AFF2: variants seen among roughly 807,000 people sequenced by gnomAD.
AFF2 encodes ALF transcription elongation factor 2.
A neutral mutation model predicts 76.9 loss-of-function variants in AFF2; 14 were observed. That is an observed-to-expected ratio of 0.18 (90% confidence interval 0.12 to 0.28). The LOEUF (loss-of-function observed/expected upper bound fraction) is 0.28. Ranked by LOEUF, AFF2 falls within the 10% of genes least tolerant of loss-of-function variation. The pLI is 1.00. For missense variants in AFF2, 868 were observed against 1,001.1 expected (o/e 0.87, Z 1.79); for synonymous variants, 398 against 366.7 (o/e 1.09, Z -0.98).
rs782508166 is a variant in AFF2, at chrX:148,916,196, C to CTTTTTTTTTTTTTTTT, written c.1397+11954_1397+11969dup. On this transcript the variant is annotated intron_variant, in intron 9 of 20. Transcript: ENST00000370460. ...AATAGACTTTTGAATGTGGTTTTAA[C>CTTTTTTTTTTTTTTTT]TTTTTTTTTTTTTTTTTTTTTTTTT... Among the ~76,000 whole-genome samples the CTTTTTTTTTTTTTTTT allele has an allele frequency of 1.8e-4, 6 of 34,038 alleles. 1 individual carries two copies. The highest frequency in any genetic ancestry group is 7.4e-4 in the African/African-American group (6 of 8,055). 29.6% of individuals were successfully genotyped at this position (34,038 alleles called of 115,157 possible).
intron 7 of AFF2, among the ~76,000 whole-genome samples, chrX:148,849,713 A>G (rs1557275142): frequency 9.0e-6 from 1 of 111,495 alleles, no homozygotes; most frequent in Non-Finnish European, 1.9e-5. Context: ...TCATCATTAT[A>G]GTGTACAGAA....
intron 9 of AFF2, among the ~76,000 whole-genome samples, chrX:148,916,710 C>G (rs1179466533): frequency 8.9e-6 from 1 of 111,747 alleles, no homozygotes; most frequent in Non-Finnish European, 1.9e-5. Context: ...AAATAGCATA[C>G]AACCTATACA....
At chrX:148,650,706 T>G (rs1358274246) in intron 1 of AFF2, among the ~76,000 whole-genome samples, 1 of 111,951 alleles carries the variant, frequency 8.9e-6, no homozygotes, top group African/African-American at 3.2e-5. Context: ...GTAGTGGCAT[T>G]GTACACTCCA....
At chrX:148,765,918 T>C (rs1468250840) in intron 3 of AFF2, among the ~76,000 whole-genome samples, 3 of 93,579 alleles carry the variant, frequency 3.2e-5, no homozygotes, top group Admixed American at 2.6e-4. Context: ...TGTGTTCTCA[T>C]TGTTCAATTC....
At chrX:148,598,325 C>CATTT (rs1253831878) in intron 1 of AFF2, among the ~76,000 whole-genome samples, 1 of 111,821 alleles carries the variant, frequency 8.9e-6, no homozygotes, top group African/African-American at 3.3e-5. Flanking sequence ...AACACGAGGC[C>CATTT]ATTTAGGTGA....
chrX:148,520,354 C>T (rs1057015538), intron 1 of AFF2, among the ~76,000 whole-genome samples: 13 of 111,893 alleles, frequency 1.2e-4, no homozygotes, highest in East Asian at 8.4e-4. Flanking sequence ...CTCTCACTGC[C>T]GCTTTCCATG....
At chrX:148,596,532 C>T (rs1603253756) in intron 1 of AFF2, among the ~76,000 whole-genome samples, 1 of 111,842 alleles carries the variant, frequency 8.9e-6, no homozygotes, top group Non-Finnish European at 1.9e-5. Context: ...TAAAGTGGGA[C>T]GACTATGTTC....
intron 1 of AFF2, among the ~76,000 whole-genome samples, chrX:148,502,877 T>G (rs1442108119): frequency 8.9e-6 from 1 of 112,787 alleles, no homozygotes; most frequent in African/African-American, 3.2e-5. Flanking sequence ...CATATGCAAT[T>G]GCATATTTAA....
At position 148,621,611 on chromosome X, in the gene AFF2, C is replaced by G. The variant is rs782596074; in HGVS notation, c.48-30388C>G. ...TAATAACAACTACAATTGGCATAAA[C>G]TCTCCTGTGGTGAGAACGCAACTCA... On this transcript the variant is annotated intron_variant, in intron 1 of 20. Coordinates refer to ENST00000370460, the MANE Select transcript of AFF2 (RefSeq NM_002025.4). 6.2e-5 allele frequency among the ~76,000 whole-genome samples: 7 copies of G among 112,163 alleles called. No homozygotes were observed. In the East Asian group the frequency reaches 8.5e-4, roughly 14 times the overall value.
At chrX:148,600,133 A>G (rs2124385371) in intron 1 of AFF2, among the ~76,000 whole-genome samples, 1 of 112,392 alleles carries the variant, frequency 8.9e-6, no homozygotes, top group African/African-American at 3.2e-5. Context: ...TCGTCTAGAG[A>G]GATCTTTGCA....
At chrX:148,630,154 A>G (rs1557252834) in intron 1 of AFF2, among the ~76,000 whole-genome samples, 1 of 110,976 alleles carries the variant, frequency 9.0e-6, no homozygotes, top group African/African-American at 3.3e-5. Flanking sequence ...CAGGGTTACC[A>G]ATTAAATGTA....
chrX:148,616,795 T>G (rs1196321427), intron 1 of AFF2, among the ~76,000 whole-genome samples: 1 of 104,258 alleles, frequency 9.6e-6, no homozygotes, highest in African/African-American at 3.4e-5. Context: ...CATTGTTCAA[T>G]TCCCACCTAT....
At chrX:148,886,054 T>C in intron 8 of AFF2, 69 bp downstream of exon 8, 1 of 819,492 alleles carries the variant, frequency 1.2e-6, no homozygotes, top group South Asian at 2.1e-5. Flanking sequence ...GGCTTTGACA[T>C]GCTTTGACAT....
chrX:148,969,614 T>A (rs180925101), intron 15 of AFF2, among the ~76,000 whole-genome samples: 1 of 112,155 alleles, frequency 8.9e-6, no homozygotes, highest in East Asian at 2.8e-4. Context: ...GTTTAGGGAA[T>A]GATGACAAGA....
intron 10 of AFF2, among the ~76,000 whole-genome samples, chrX:148,955,290 C>T (rs1408433760): frequency 1.8e-5 from 2 of 112,830 alleles, no homozygotes; most frequent in African/African-American, 6.4e-5. Context: ...ATTGGCATCC[C>T]TGCCAACCCA....
intron 1 of AFF2, among the ~76,000 whole-genome samples, chrX:148,609,082 C>T (rs2053701959): frequency 9.0e-6 from 1 of 111,436 alleles, no homozygotes; most frequent in Non-Finnish European, 1.9e-5. Flanking sequence ...AGTTCAGTTG[C>T]ATGATTTTTT....
chrX:148,656,592 C>T (rs2124462409), intron 2 of AFF2, among the ~76,000 whole-genome samples: 1 of 101,174 alleles, frequency 9.9e-6, no homozygotes, highest in East Asian at 3.1e-4. Context: ...CTCCGCCTCC[C>T]GGGTTCACGC....
intron 7 of AFF2, among the ~76,000 whole-genome samples, chrX:148,853,506 A>G (rs1342773220): frequency 8.9e-6 from 1 of 111,937 alleles, no homozygotes; most frequent in Non-Finnish European, 1.9e-5. Flanking sequence ...TTGTCAACAG[A>G]TGAGCTCATG....
intron 3 of AFF2, among the ~76,000 whole-genome samples, chrX:148,737,707 T>C (rs1557265226): frequency 9.0e-6 from 1 of 111,420 alleles, no homozygotes; most frequent in African/African-American, 3.3e-5. Flanking sequence ...GTTCTCAGAG[T>C]GAATGCTTTC....
Sources: gnomAD v4.1 joint callset for allele counts (sites outside exome capture counted in the v4.1 genomes callset) on GRCh38, gnomAD v4.1.1 for gene constraint, MANE v1.5 for transcripts, NCBI Gene and HGNC (gene_info 2026-07-23, HGNC 2026-07-21) for gene names.